Variants in PCDHGB6 observed in about 807,000 individuals in gnomAD.
The protein encoded by PCDHGB6 is protocadherin gamma-B6.
A neutral mutation model predicts 59.1 loss-of-function variants in PCDHGB6; 51 were observed. The ratio of observed to expected loss-of-function variants is 0.86; its 90% CI spans 0.69 to 1.09. The LOEUF (loss-of-function observed/expected upper bound fraction) is 1.09. Among genes scored for constraint, PCDHGB6 ranks in the 50% least tolerant of loss-of-function variants. The probability of loss-of-function intolerance (pLI) is 0.00; values close to 1 mark genes in which losing one functional copy is unlikely to be tolerated. For missense variants in PCDHGB6, 1,148 were observed against 1,205.1 expected, an observed-to-expected ratio of 0.95 and a Z score of 0.70; for synonymous variants, 466 against 495.1, an observed-to-expected ratio of 0.94 and a Z score of 0.78.
chr5:141,421,082 C>A, intron 1 of PCDHGB6: 1 of 640,114 alleles, frequency 1.6e-6, no homozygotes, highest in Non-Finnish European at 2.6e-6. Flanking sequence ...TGGATACTCA[C>A]AGATCCTGAC....
intron 1 of PCDHGB6, chr5:141,414,274 G>C: frequency 1.9e-6 from 3 of 1,613,368 alleles, no homozygotes; most frequent in Non-Finnish European, 2.5e-6. Flanking sequence ...TTCACCTCTG[G>C]GAACAGTCGT....
chr5:141,415,533 G>C lies in PCDHGB6; in HGVS notation c.2418+4913G>C, dbSNP rs749139053. On this transcript the variant is annotated intron_variant, in intron 1 of 3. Coordinates refer to ENST00000520790, the MANE Select transcript of PCDHGB6 (RefSeq NM_018926.3). ...ATTATGCGGACACGCTCATCAGCCA[G>C]GAGAGCTGTGAGAAAAACGATCCTT... is the stretch of plus-strand genomic sequence containing the variant. 1.4e-5 allele frequency: 22 copies of C among 1,614,080 alleles called. No individual in the cohort carries two copies. Among genetic ancestry groups the C allele is most frequent in the Non-Finnish European group, 1.9e-5 (22 of 1,180,042 alleles).
chr5:141,507,495 G>A (rs375483743), intron 3 of PCDHGB6, among the ~76,000 whole-genome samples: 5 of 152,352 alleles, frequency 3.3e-5, no homozygotes, highest in East Asian at 3.9e-4. Flanking sequence ...AGGCAGAGCT[G>A]TCCCAGGTCT....
chr5:141,486,284 C>G lies in PCDHGB6; in HGVS notation c.2419-8523C>G, dbSNP rs1259853159. ...TGCAGAACCTGGCACTGTGGTGGCA[C>G]TTATCAGTGTGCAGGATCCAGACTC... On this transcript the variant is annotated intron_variant, in intron 1 of 3. Transcript: ENST00000520790. This position sits in a 1 kb window ranked among gnomAD's most constrained non-coding sequence, Gnocchi z 5.0. The G allele has an allele frequency of 6.2e-7, 1 of 1,614,050 alleles. No homozygotes were observed. The highest frequency in any genetic ancestry group is 8.5e-7 in the Non-Finnish European group (1 of 1,179,988).
At chr5:141,497,776 C>A (rs1384125562) in intron 2 of PCDHGB6, among the ~76,000 whole-genome samples, 2 of 152,170 alleles carry the variant, frequency 1.3e-5, no homozygotes. Flanking sequence ...CCGACCTCAA[C>A]TGATCCACCT....
rs2097419057 is a variant in PCDHGB6 at position 141,431,807 on chromosome 5, A to G, written c.2418+21187A>G. 4 of 1,614,050 alleles carry G rather than the reference A, an allele frequency of 2.5e-6. No individual in the cohort carries two copies. Among genetic ancestry groups the G allele is most frequent in the Non-Finnish European group, 2.5e-6 (3 of 1,180,038 alleles). On this transcript the variant is annotated intron_variant, in intron 1 of 3. Coordinates refer to ENST00000520790, the MANE Select transcript of PCDHGB6 (RefSeq NM_018926.3). This position sits in a 1 kb window ranked among gnomAD's most constrained non-coding sequence, Gnocchi z 4.8. ...CGACAATGCCCCAGAAGTGGTCCTC[A>G]CCTCTCTCGCCAGCTCGGTTCCCGA... is the stretch of plus-strand genomic sequence containing the variant.
chr5:141,465,454 T>A (rs1031876441), intron 1 of PCDHGB6, among the ~76,000 whole-genome samples: 1 of 152,184 alleles, frequency 6.6e-6, no homozygotes, highest in Non-Finnish European at 1.5e-5. Flanking sequence ...AAGAAAACTC[T>A]CACCAAATTG....
chr5:141,433,208 CTTTT>C (rs745329085), intron 1 of PCDHGB6: 3 of 1,293,778 alleles, frequency 2.3e-6, no homozygotes, highest in African/African-American at 1.5e-5. Flanking sequence ...AATCTTCTTT[CTTTT>C]TTTTTTTTAA....
chr5:141,502,679 T>C (rs943238781), intron 2 of PCDHGB6, among the ~76,000 whole-genome samples: 1 of 152,236 alleles, frequency 6.6e-6, no homozygotes, highest in Non-Finnish European at 1.5e-5. Flanking sequence ...TAGTATTCCC[T>C]GATGATCCTT....
chr5:141,449,774 A>G (rs541830970), intron 1 of PCDHGB6, among the ~76,000 whole-genome samples: 2 of 151,714 alleles, frequency 1.3e-5, no homozygotes, highest in African/African-American at 4.8e-5. Flanking sequence ...AAGTTGTAGA[A>G]ATTATGTTTC....
chr5:141,485,525 C>A lies in PCDHGB6; in HGVS notation c.2419-9282C>A. On this transcript the variant is annotated intron_variant, in intron 1 of 3. Transcript: ENST00000520790. This position sits in a 1 kb window ranked among gnomAD's most constrained non-coding sequence, Gnocchi z 5.7. ...CACCGAAGGTCCTTTGGAAATGTAC[C>A]GAGCAGAGGTAGAGATCGTAGATGT... The A allele has an allele frequency of 5.6e-6, 9 of 1,614,122 alleles. No individual in the cohort carries two copies. Among genetic ancestry groups the A allele is most frequent in the Non-Finnish European group, 7.6e-6 (9 of 1,180,022 alleles).
chr5:141,510,510 G>C (rs1042950478), intron 3 of PCDHGB6, among the ~76,000 whole-genome samples: 1 of 152,132 alleles, frequency 6.6e-6, no homozygotes, highest in Non-Finnish European at 1.5e-5. Context: ...CTGAGAGCCC[G>C]TGTCACAGCC....
rs1235074997 is a variant in PCDHGB6 at position 141,409,173 on chromosome 5, G to T, written c.971G>T (p.Gly324Val). ...RYTMEVEAKD[G>V]GGLSTQCKVI... ...ACCATGGAAGTGGAAGCGAAGGACGGAGGTGGTCTCTCTACCCAGTGTAAA... is the reference window on the plus strand; with the variant it reads ...ACCATGGAAGTGGAAGCGAAGGACGTAGGTGGTCTCTCTACCCAGTGTAAA... Residue 324 changes from glycine to valine, a missense_variant, in exon 1 of 4, where the codon GGA becomes GTA. Transcript: ENST00000520790. The T allele has an allele frequency of 1.9e-6, 3 of 1,614,028 alleles. No homozygotes were observed.
intron 1 of PCDHGB6, chr5:141,427,474 A>G (rs373512099): frequency 3.7e-5 from 19 of 520,294 alleles, no homozygotes; most frequent in African/African-American, 1.5e-4. Context: ...TCTTCCGCCA[A>G]TAATGACTAT....
intron 1 of PCDHGB6, among the ~76,000 whole-genome samples, chr5:141,460,508 G>C (rs1390313220): frequency 6.6e-6 from 1 of 152,040 alleles, no homozygotes; most frequent in East Asian, 1.9e-4. Context: ...TGCTGAGAAG[G>C]CTATCTTTTC....
Position 141,431,240 on chromosome 5 carries a change from G to A in PCDHGB6, c.2418+20620G>A, listed in dbSNP as rs1402814836. 6 of 1,614,044 alleles carry A rather than the reference G, an allele frequency of 3.7e-6. No individual in the cohort carries two copies. Among genetic ancestry groups the A allele is most frequent in the Non-Finnish European group, 5.1e-6 (6 of 1,180,056 alleles). On this transcript the variant is annotated intron_variant, in intron 1 of 3. Coordinates refer to ENST00000520790, the MANE Select transcript of PCDHGB6 (RefSeq NM_018926.3). The surrounding 1 kb of genome is among the most constrained non-coding windows in gnomAD (Gnocchi z 4.8). Reference sequence around the variant, plus strand: ...CCCTCTACCCCACGCCTGGGATCCGGATATCGGGAAGAACTCTCTGCAGAG... The same window carrying A: ...CCCTCTACCCCACGCCTGGGATCCGAATATCGGGAAGAACTCTCTGCAGAG...
rs759146011 is a variant in PCDHGB6, at chr5:141,477,635, G to A, written c.2419-17172G>A. 6.2e-7 allele frequency: 1 copy of A among 1,614,138 alleles called. No homozygotes were observed. The highest frequency in any genetic ancestry group is 8.5e-7 in the Non-Finnish European group (1 of 1,180,040). On this transcript the variant is annotated intron_variant, in intron 1 of 3. Coordinates refer to ENST00000520790, the MANE Select transcript of PCDHGB6 (RefSeq NM_018926.3). This position sits in a 1 kb window ranked among gnomAD's most constrained non-coding sequence, Gnocchi z 4.9. ...GCAAGGAGCTGAAACCGGGCTAGTG[G>A]GTCGCTATTTCACAATAAATCGTGA...
chr5:141,494,671 C>T, intron 1 of PCDHGB6, 136 bp from the exon 2 acceptor site: 1 of 1,532,340 alleles, frequency 6.5e-7, no homozygotes, highest in East Asian at 2.4e-5. Context: ...GAGATGAGTC[C>T]ACCCCTGCCC....
chr5:141,450,092 C>T (rs761677942), intron 1 of PCDHGB6, among the ~76,000 whole-genome samples: 2 of 148,672 alleles, frequency 1.3e-5, no homozygotes, highest in Non-Finnish European at 3.0e-5. Flanking sequence ...CTGCAACCTC[C>T]GCCTCCCAGG....
Sources: gnomAD v4.1 joint callset for allele counts (sites outside exome capture counted in the v4.1 genomes callset) on GRCh38, gnomAD v4.1.1 for gene constraint, Gnocchi (gnomAD v3.1) non-coding constraint, MANE v1.5 for transcripts, NCBI Gene and HGNC (gene_info 2026-07-23, HGNC 2026-07-21) for gene names.